Variants in EPS15 observed in about 807,000 individuals in gnomAD.
EPS15 encodes epidermal growth factor receptor pathway substrate 15, also known as epidermal growth factor receptor substrate 15.
A neutral mutation model predicts 113.8 loss-of-function variants in EPS15; 72 were observed. The ratio of observed to expected loss-of-function variants is 0.63; its 90% CI spans 0.52 to 0.77. EPS15 has a LOEUF of 0.77. Ranked by LOEUF, EPS15 falls within the 30% of genes least tolerant of loss-of-function variation. The probability of loss-of-function intolerance (pLI) is 0.00; values close to 1 mark genes in which losing one functional copy is unlikely to be tolerated. For missense variants in EPS15, 1,048 were observed against 1,045.8 expected (o/e 1.00, Z -0.03); for synonymous variants, 344 against 363.4 (o/e 0.95, Z 0.61).
chr1:51,412,958 C>T, intron 13 of EPS15, among the ~76,000 whole-genome samples: 1 of 152,150 alleles, frequency 6.6e-6, no homozygotes, highest in East Asian at 1.9e-4. Flanking sequence ...TCTCTAGTCA[C>T]TGTTATTTTT....
At chr1:51,410,392 CAA>C (rs575050577) in intron 13 of EPS15, among the ~76,000 whole-genome samples, 33 of 97,600 alleles carry the variant, frequency 3.4e-4, no homozygotes, top group Admixed American at 3.4e-4. Context: ...ACACTGTCTC[CAA>C]AAAAAAAAAA....
chr1:51,499,343 G>A (rs534870111), intron 1 of EPS15, among the ~76,000 whole-genome samples: 1 of 152,016 alleles, frequency 6.6e-6, no homozygotes, highest in South Asian at 2.1e-4. Flanking sequence ...TTTTATGCAT[G>A]CACCACATTT....
intron 21 of EPS15, among the ~76,000 whole-genome samples, chr1:51,392,216 A>C (rs780199694): frequency 6.6e-6 from 1 of 152,224 alleles, no homozygotes; most frequent in African/African-American, 2.4e-5. Flanking sequence ...CTACTACTTT[A>C]ACCTTCTGAA....
intron 12 of EPS15, among the ~76,000 whole-genome samples, chr1:51,433,885 C>G (rs1425391615): frequency 6.6e-6 from 1 of 152,188 alleles, no homozygotes; most frequent in Non-Finnish European, 1.5e-5. Flanking sequence ...ACTCCTGCCT[C>G]AGCATAATTT....
At chr1:51,516,320 T>C (rs1351353354) in intron 1 of EPS15, among the ~76,000 whole-genome samples, 2 of 152,228 alleles carry the variant, frequency 1.3e-5, no homozygotes, top group Non-Finnish European at 2.9e-5. Context: ...AATTGTTAAC[T>C]ATTTTTGTTC....
intron 9 of EPS15, among the ~76,000 whole-genome samples, chr1:51,447,746 A>G (rs1182159222): frequency 6.6e-6 from 1 of 152,168 alleles, no homozygotes; most frequent in African/African-American, 2.4e-5. Context: ...CCAATAAAAC[A>G]TCCATATGAC....
chr1:51,391,256 T>C (rs1050271853), intron 21 of EPS15, among the ~76,000 whole-genome samples: 3 of 151,898 alleles, frequency 2.0e-5, no homozygotes, highest in South Asian at 2.1e-4. Context: ...TAGGTGGGAA[T>C]TGAACAATGA....
intron 21 of EPS15, among the ~76,000 whole-genome samples, chr1:51,374,953 G>T (rs1213033890): frequency 6.6e-6 from 1 of 150,866 alleles, no homozygotes; most frequent in Non-Finnish European, 1.5e-5. Context: ...TGGAATTACA[G>T]GTGTAAGCCA....
At chr1:51,486,660 T>A (rs1334652211) in intron 1 of EPS15, among the ~76,000 whole-genome samples, 2 of 152,100 alleles carry the variant, frequency 1.3e-5, no homozygotes, top group African/African-American at 2.4e-5. Flanking sequence ...CTGAGACTGA[T>A]ATATTTATAA....
chr1:51,399,301 A>T (rs972346872), intron 19 of EPS15, 136 bp from the exon 20 acceptor site: 3 of 721,332 alleles, frequency 4.2e-6, no homozygotes, highest in Non-Finnish European at 6.7e-6. Flanking sequence ...CTGCATTCCC[A>T]CCACTTTGGG....
chr1:51,400,722 A>C (rs530270141), intron 19 of EPS15, among the ~76,000 whole-genome samples, 196 bp downstream of exon 19: 1 of 150,666 alleles, frequency 6.6e-6, no homozygotes, highest in East Asian at 1.9e-4. Flanking sequence ...CAAAAAAAAA[A>C]AAAAAAAAAA....
At chr1:51,499,916 T>C (rs1644384263) in intron 1 of EPS15, among the ~76,000 whole-genome samples, 1 of 152,218 alleles carries the variant, frequency 6.6e-6, no homozygotes, top group Non-Finnish European at 1.5e-5. Flanking sequence ...TTTTTCATCA[T>C]CCCAAACTGG....
intron 1 of EPS15, chr1:51,518,486 G>A (rs1364762317): frequency 1.3e-5 from 2 of 152,944 alleles, no homozygotes; most frequent in Admixed American, 6.5e-5. Context: ...AAGCAGACGT[G>A]GGTGGCAAAA....
chr1:51,510,205 G>A (rs1263975774), intron 1 of EPS15, among the ~76,000 whole-genome samples: 7 of 151,840 alleles, frequency 4.6e-5, no homozygotes, highest in Non-Finnish European at 1.0e-4. Flanking sequence ...ACAAACACAC[G>A]CACACACACA....
At chr1:51,365,058 C>G (rs1270060968) in intron 22 of EPS15, among the ~76,000 whole-genome samples, 1 of 152,170 alleles carries the variant, frequency 6.6e-6, no homozygotes, top group Non-Finnish European at 1.5e-5. Flanking sequence ...TCTTGAACTC[C>G]TGAGCTCAGA....
intron 21 of EPS15, among the ~76,000 whole-genome samples, chr1:51,390,441 C>A (rs1252462493): frequency 6.6e-6 from 1 of 152,154 alleles, no homozygotes; most frequent in African/African-American, 2.4e-5. Context: ...AAAGCAATGA[C>A]AACAGAAGCC....
chr1:51,479,328 G>A (rs773778281), intron 2 of EPS15, among the ~76,000 whole-genome samples: 6 of 152,252 alleles, frequency 3.9e-5, no homozygotes, highest in Admixed American at 6.5e-5. Context: ...TCTTCTCTAC[G>A]CTGTTTATTC....
At chr1:51,491,052 A>C in intron 1 of EPS15, among the ~76,000 whole-genome samples, 1 of 152,186 alleles carries the variant, frequency 6.6e-6, no homozygotes. Context: ...GAAGGTGGCA[A>C]ATCAGGCAGT....
chr1:51,360,826 G>C (rs1276584939), intron 24 of EPS15, among the ~76,000 whole-genome samples: 1 of 151,998 alleles, frequency 6.6e-6, no homozygotes, highest in Non-Finnish European at 1.5e-5. Context: ...AGTGGGCAGA[G>C]AGCAATGACT....
Sources: gnomAD v4.1 joint callset for allele counts (sites outside exome capture counted in the v4.1 genomes callset) on GRCh38, gnomAD v4.1.1 for gene constraint, MANE v1.5 for transcripts, NCBI Gene and HGNC (gene_info 2026-07-23, HGNC 2026-07-21) for gene names.